Variants in FAM53B observed in about 807,000 individuals in gnomAD.
FAM53B encodes family with sequence similarity 53 member B, also known as protein FAM53B.
FAM53B carries 12 observed loss-of-function variants against 32.7 expected under a neutral mutation model. That is an observed-to-expected ratio of 0.37 (90% CI 0.24 to 0.59). FAM53B has a LOEUF of 0.59. FAM53B is among the 20% of genes least tolerant of loss of function. The pLI is 0.72. For synonymous variants in FAM53B, 234 were observed against 228.7 expected (o/e 1.02, Z -0.21); for missense variants, 477 against 577.7 (o/e 0.83, Z 1.79).
chr10:124,654,546 CTGGAAGGCAGAA>C, intron 4 of FAM53B, among the ~76,000 whole-genome samples: 1 of 152,334 alleles, frequency 6.6e-6, no homozygotes, highest in Admixed American at 6.5e-5. Context: ...GAAGGAGTTA[CTGGAAGGCAGAA>C]TCCGCCTCTG....
chr10:124,736,826 C>G (rs1457972301), intron 1 of FAM53B, among the ~76,000 whole-genome samples: 1 of 152,256 alleles, frequency 6.6e-6, no homozygotes, highest in Admixed American at 6.5e-5. Flanking sequence ...CTCGAGGGCC[C>G]ACCCACGCCC....
intron 4 of FAM53B, among the ~76,000 whole-genome samples, chr10:124,647,452 G>A (rs1373738566): frequency 1.3e-5 from 2 of 152,234 alleles, no homozygotes; most frequent in Non-Finnish European, 2.9e-5. Context: ...CAAAGGAACT[G>A]GAAGCTCCCT....
intron 2 of FAM53B, among the ~76,000 whole-genome samples, chr10:124,701,072 GGC>G (rs1564881692): frequency 6.6e-6 from 1 of 152,248 alleles, no homozygotes; most frequent in South Asian, 2.1e-4. Flanking sequence ...AGCATGGGCA[GGC>G]CCCTTGGTAT....
intron 4 of FAM53B, among the ~76,000 whole-genome samples, chr10:124,637,010 C>G (rs938636590): frequency 1.3e-5 from 2 of 152,182 alleles, no homozygotes; most frequent in Non-Finnish European, 2.9e-5. Flanking sequence ...CAGGCAAGCG[C>G]TGCAGAAACA....
chr10:124,715,896 G>A (rs1950036040), intron 1 of FAM53B, among the ~76,000 whole-genome samples: 1 of 152,192 alleles, frequency 6.6e-6, no homozygotes, highest in African/African-American at 2.4e-5. Flanking sequence ...CCCTAGGTAG[G>A]CACAATTCCT....
At chr10:124,674,507 G>A (rs1564874298) in intron 4 of FAM53B, among the ~76,000 whole-genome samples, 1 of 152,186 alleles carries the variant, frequency 6.6e-6, no homozygotes, top group Non-Finnish European at 1.5e-5. Flanking sequence ...GATGAGGATG[G>A]GGCTCACTCC....
chr10:124,627,346 T>C (rs547328817), intron 4 of FAM53B, among the ~76,000 whole-genome samples: 3 of 152,258 alleles, frequency 2.0e-5, no homozygotes, highest in East Asian at 1.9e-4. Context: ...AGCTACCCCA[T>C]GGAAGAACAC....
intron 4 of FAM53B, among the ~76,000 whole-genome samples, chr10:124,634,578 G>GTGTTT (rs1479740148): frequency 6.6e-6 from 1 of 152,258 alleles, no homozygotes; most frequent in East Asian, 1.9e-4. Flanking sequence ...GAAGAAGGAT[G>GTGTTT]TGTTTGCTTC....
At chr10:124,668,819 A>C (rs1949689911) in intron 4 of FAM53B, among the ~76,000 whole-genome samples, 1 of 152,166 alleles carries the variant, frequency 6.6e-6, no homozygotes, top group Admixed American at 6.5e-5. Context: ...CCCTCAAACC[A>C]CCTTCCCCTT....
intron 1 of FAM53B, among the ~76,000 whole-genome samples, chr10:124,717,427 C>G (rs893467481): frequency 1.3e-5 from 2 of 152,198 alleles, no homozygotes; most frequent in African/African-American, 4.8e-5. Context: ...GCTGATGATG[C>G]CTGTCCTGGA....
chr10:124,738,553 C>A (rs748634432), intron 1 of FAM53B, among the ~76,000 whole-genome samples: 152 of 151,904 alleles, frequency 1.0e-3, no homozygotes, highest in Admixed American at 2.2e-3. Flanking sequence ...ATTCTTCCTT[C>A]AAAACACACG....
intron 4 of FAM53B, among the ~76,000 whole-genome samples, chr10:124,675,949 C>T (rs1949734105): frequency 6.6e-6 from 1 of 152,220 alleles, no homozygotes; most frequent in East Asian, 1.9e-4. Flanking sequence ...CCAAGACTGC[C>T]AAGAGGAGGA....
chr10:124,626,852 G>A (rs1232431821), intron 4 of FAM53B, among the ~76,000 whole-genome samples: 1 of 152,210 alleles, frequency 6.6e-6, no homozygotes, highest in Non-Finnish European at 1.5e-5. Context: ...CACGGCGCCA[G>A]GCAACTCTTC....
At chr10:124,727,345 T>G (rs1180205925) in intron 1 of FAM53B, among the ~76,000 whole-genome samples, 1,744 of 22,928 alleles carry the variant, frequency 0.076, no homozygotes, top group African/African-American at 0.13. Context: ...GGGGGGGGGG[T>G]GCGGGGGTAC....
chr10:124,707,170 G>T (rs114144047), intron 1 of FAM53B, among the ~76,000 whole-genome samples: 1,994 of 152,296 alleles, frequency 0.013, 37 homozygotes, highest in African/African-American at 0.033. Context: ...CTATCTCAGG[G>T]TCTGGGTGGC....
rs1002797621 is a variant in FAM53B at position 124,667,502 on chromosome 10, G to A, written c.906+14105C>T. 30 of 720,716 alleles carry A rather than the reference G, an allele frequency of 4.2e-5. No individual in the cohort carries two copies. The African/African-American group carries it at 5.2e-4, about 13-fold the overall frequency. 44.6% of individuals were successfully genotyped at this position (720,716 alleles called of 1,614,324 possible). A position where few individuals can be genotyped will look rare whatever the true frequency, so the allele number is the denominator to read the frequency against. ...TGCCAACAGTCAGCAGCCCACAGCT[G>A]TGGCCTGGCACTCCACCTGTGTGGT... On this transcript the variant is annotated intron_variant, in intron 4 of 4. Transcript: ENST00000337318.
At chr10:124,669,027 G>T (rs533798969) in intron 4 of FAM53B, among the ~76,000 whole-genome samples, 26 of 152,336 alleles carry the variant, frequency 1.7e-4, no homozygotes, top group African/African-American at 6.0e-4. Context: ...CAGGCCCCTG[G>T]CCTGGGGAAA....
chr10:124,639,317 G>A (rs1292864414), intron 4 of FAM53B, among the ~76,000 whole-genome samples: 1 of 152,200 alleles, frequency 6.6e-6, no homozygotes, highest in Non-Finnish European at 1.5e-5. Context: ...TACTGGAGGT[G>A]CCAGGAGATC....
At chr10:124,692,102 G>T (rs896001343) in intron 3 of FAM53B, among the ~76,000 whole-genome samples, 1 of 152,216 alleles carries the variant, frequency 6.6e-6, no homozygotes, top group Non-Finnish European at 1.5e-5. Context: ...GGATGCTCTG[G>T]AAGATGAGAA....
Sources: allele counts gnomAD v4.1 joint callset (sites outside exome capture counted in the v4.1 genomes callset), GRCh38; gene constraint gnomAD v4.1.1; transcripts MANE v1.5; gene names NCBI Gene and HGNC (gene_info 2026-07-23, HGNC 2026-07-21).